The following FAT3 variants were observed in gnomAD, a reference collection of about 807,000 sequenced individuals.
FAT3 encodes the protein FAT atypical cadherin 3.
FAT3 carries 95 observed loss-of-function variants against 310.2 expected under a neutral mutation model. That is an observed-to-expected ratio of 0.31 (90% CI 0.26 to 0.36). The LOEUF (loss-of-function observed/expected upper bound fraction) is 0.36, where lower values mean the gene tolerates loss of function less well. Ranked by LOEUF, FAT3 falls within the 10% of genes least tolerant of loss-of-function variation. FAT3 has a pLI of 1.00. For synonymous variants in FAT3, 2,314 were observed against 2,192.9 expected, an observed-to-expected ratio of 1.06 and a Z score of -1.54; for missense variants, 5,408 against 5,715.6, an observed-to-expected ratio of 0.95 and a Z score of 1.74.
intron 3 of FAT3, among the ~76,000 whole-genome samples, chr11:92,601,700 T>C (rs890920944): frequency 2.0e-5 from 3 of 152,126 alleles, no homozygotes; most frequent in African/African-American, 7.2e-5. Flanking sequence ...GAGGCATAAA[T>C]GTGTGGAATT....
Position 92,282,722 on chromosome 11 carries a change from T to C in FAT3, c.-18+57548T>C, listed in dbSNP as rs538082903. 2.0e-5 allele frequency among the ~76,000 whole-genome samples: 3 copies of C among 152,294 alleles called. No homozygotes were observed. The East Asian group carries it at 5.8e-4, about 29-fold the overall frequency. On this transcript the variant is annotated intron_variant, in intron 1 of 27. Coordinates refer to ENST00000525166, the MANE Select transcript of FAT3 (RefSeq NM_001367949.2). ...GTAATTTATGTCAATTAAAATTGTT[T>C]TTAAATGCTTTAAGGATCCTAAGTG...
chr11:92,368,445 A>G (rs1229484746), intron 2 of FAT3, among the ~76,000 whole-genome samples: 1 of 152,216 alleles, frequency 6.6e-6, no homozygotes, highest in African/African-American at 2.4e-5. Context: ...CAACAAAAAA[A>G]CTAGTAATTT....
chr11:92,526,970 AG>A (rs1282488708), intron 3 of FAT3, among the ~76,000 whole-genome samples: 1 of 152,200 alleles, frequency 6.6e-6, no homozygotes, highest in Non-Finnish European at 1.5e-5. Context: ...TCTAATAAAG[AG>A]GGTTATAAAC....
At chr11:92,609,910 A>G (rs1940483652) in intron 3 of FAT3, among the ~76,000 whole-genome samples, 1 of 152,188 alleles carries the variant, frequency 6.6e-6, no homozygotes, top group African/African-American at 2.4e-5. Flanking sequence ...TTTTGTTAGT[A>G]AGTAAAATTA....
intron 3 of FAT3, among the ~76,000 whole-genome samples, chr11:92,670,917 C>A (rs534500041): frequency 6.6e-6 from 1 of 152,252 alleles, no homozygotes; most frequent in East Asian, 1.9e-4. Flanking sequence ...CCTCAAAAAC[C>A]CTTAAGTAGC....
At chr11:92,230,339 G>T (rs965060046) in intron 1 of FAT3, among the ~76,000 whole-genome samples, 1 of 151,960 alleles carries the variant, frequency 6.6e-6, no homozygotes. Flanking sequence ...CATTGCCCAG[G>T]CTGGAGTGCA....
chr11:92,891,323 G>A lies in FAT3; in HGVS notation c.*210G>A, dbSNP rs138083893. Reference sequence around the variant, plus strand: ...AAGGCTCAGAAATTGTTTTTGAGAGGTGACTGGTAATCCTTGATGTAGGTA... The same window carrying A: ...AAGGCTCAGAAATTGTTTTTGAGAGATGACTGGTAATCCTTGATGTAGGTA... On this transcript the variant is annotated 3_prime_UTR_variant, in exon 28 of 28. Coordinates refer to ENST00000525166, the MANE Select transcript of FAT3 (RefSeq NM_001367949.2). The A allele has an allele frequency of 2.2e-3, 1,491 of 673,814 alleles. 18 individuals are homozygous for A. In the African/African-American group the frequency reaches 0.025, roughly 11 times the overall value. 41.7% of individuals were successfully genotyped at this position (673,814 alleles called of 1,614,324 possible).
At position 92,893,571 on chromosome 11, in the gene FAT3, A is replaced by C. The variant is rs2136458268; in HGVS notation, c.*2458A>C. The C allele has an allele frequency of 6.6e-6, 1 of 152,360 alleles. No individual in the cohort carries two copies. The highest frequency in any genetic ancestry group is 2.4e-5 in the African/African-American group (1 of 41,596). 9.4% of individuals were successfully genotyped at this position (152,360 alleles called of 1,614,324 possible). On this transcript the variant is annotated 3_prime_UTR_variant, in exon 28 of 28. Coordinates refer to ENST00000525166, the MANE Select transcript of FAT3 (RefSeq NM_001367949.2). ...TTGAGGGAGAATGCCTGACTGACAC[A>C]GTAATGAAAGAATAAATAGATCCTA...
intron 3 of FAT3, among the ~76,000 whole-genome samples, chr11:92,613,393 ATT>A (rs35423574): frequency 3.7e-5 from 5 of 135,814 alleles, no homozygotes; most frequent in African/African-American, 1.2e-4. Context: ...GTAATTAAAT[ATT>A]TTTTTTAAAA....
chr11:92,864,097 T>TATGTTCTTC (rs1156561439), intron 21 of FAT3, among the ~76,000 whole-genome samples: 4 of 152,218 alleles, frequency 2.6e-5, no homozygotes, highest in African/African-American at 9.6e-5. Flanking sequence ...GAGATAATTT[T>TATGTTCTTC]ATGTTCTTCA....
At chr11:92,275,973 A>ATAAAATATGTGTGTGATACATG (rs1946257939) in intron 1 of FAT3, among the ~76,000 whole-genome samples, 1 of 152,176 alleles carries the variant, frequency 6.6e-6, no homozygotes, top group African/African-American at 2.4e-5. Flanking sequence ...TGTGATACAT[A>ATAAAATATGTGTGTGATACATG]TAAAGTAACA....
At position 92,800,326 on chromosome 11, in the gene FAT3, A is replaced by G. The variant is rs748584229; in HGVS notation, c.7313A>G (p.Asp2438Gly). 11 of 1,613,976 alleles carry G rather than the reference A, an allele frequency of 6.8e-6. No homozygotes were observed. In the South Asian group the frequency reaches 1.1e-4, roughly 16 times the overall value. Residue 2438 changes from aspartate (D) to glycine (G), a missense_variant, in exon 10 of 28, where the codon GAC becomes GGC. Asp to Gly is a moderately conservative substitution (Grantham distance 94). Around this residue, in one of 5 missense-constraint regions of FAT3, gnomAD observed 4,588 missense variants for 4,809.8 expected, o/e 0.95. Transcript: ENST00000525166. The stretch of plus-strand genomic sequence containing the variant: ...GAATATAGCATTTTATCTGGGAATG[A>G]CCGGACGAGCTTTCTGATGGACAGC... Reference protein sequence around the residue: ...RLEYSILSGNDRTSFLMDSKS... With the variant: ...RLEYSILSGNGRTSFLMDSKS...
intron 2 of FAT3, among the ~76,000 whole-genome samples, chr11:92,406,356 A>C (rs1341841202): frequency 6.6e-6 from 1 of 152,206 alleles, no homozygotes; most frequent in Non-Finnish European, 1.5e-5. Context: ...TTAGAGAACT[A>C]GATATACTTT....
At chr11:92,813,598 C>G (rs2136219762) in intron 13 of FAT3, among the ~76,000 whole-genome samples, 1 of 152,288 alleles carries the variant, frequency 6.6e-6, no homozygotes, top group East Asian at 1.9e-4. Context: ...AATCCCTAAC[C>G]CCTGACAACC....
At chr11:92,320,914 A>G (rs1400617284) in intron 1 of FAT3, among the ~76,000 whole-genome samples, 2 of 151,434 alleles carry the variant, frequency 1.3e-5, no homozygotes, top group African/African-American at 4.9e-5. Flanking sequence ...TCCTTAGACC[A>G]TTTTCCCCCT....
intron 2 of FAT3, among the ~76,000 whole-genome samples, chr11:92,410,165 C>G (rs1160258913): frequency 2.6e-5 from 4 of 151,798 alleles, no homozygotes; most frequent in Non-Finnish European, 5.9e-5. Context: ...TTTTTTAAAT[C>G]ATCAGATGTG....
At chr11:92,784,627 A>G (rs947452358) in intron 7 of FAT3, among the ~76,000 whole-genome samples, 3 of 152,170 alleles carry the variant, frequency 2.0e-5, no homozygotes, top group African/African-American at 7.2e-5. Flanking sequence ...GTACTTCTTT[A>G]GGCATTTCAA....
At chr11:92,735,297 G>A (rs1945308837) in intron 4 of FAT3, among the ~76,000 whole-genome samples, 1 of 152,164 alleles carries the variant, frequency 6.6e-6, no homozygotes, top group Non-Finnish European at 1.5e-5. Context: ...GGAGTTTTCA[G>A]AGAATAATCA....
intron 1 of FAT3, among the ~76,000 whole-genome samples, chr11:92,244,656 T>G (rs1864823798): frequency 1.3e-5 from 2 of 152,120 alleles, no homozygotes; most frequent in Non-Finnish European, 2.9e-5. Context: ...CAGAATCACT[T>G]GAAGCATTTG....
Sources: gnomAD v4.1 joint callset for allele counts (sites outside exome capture counted in the v4.1 genomes callset) on GRCh38, gnomAD v4.1.1 for gene constraint, gnomAD v4.1.1 regional missense constraint, MANE v1.5 for transcripts, NCBI Gene and HGNC (gene_info 2026-07-23, HGNC 2026-07-21) for gene names.